The following TACC1 variants were observed in gnomAD, a reference collection of about 807,000 sequenced individuals.
The protein encoded by TACC1 is transforming acidic coiled-coil-containing protein 1.
A neutral mutation model predicts 84.4 loss-of-function variants in TACC1; 48 were observed. That is an observed-to-expected ratio of 0.57 (90% CI 0.45 to 0.72). The LOEUF (loss-of-function observed/expected upper bound fraction) is 0.72. TACC1 is among the 30% of genes least tolerant of loss of function. The pLI is 0.00. For synonymous variants in TACC1, 372 were observed against 376.3 expected (o/e 0.99, Z 0.13); for missense variants, 920 against 973.0 (o/e 0.95, Z 0.72).
At chr8:38,775,042 A>G (rs114571987) in intron 3 of TACC1, among the ~76,000 whole-genome samples, 10 of 151,936 alleles carry the variant, frequency 6.6e-5, no homozygotes, top group Admixed American at 5.2e-4. Context: ...AAAACCAAAA[A>G]CTTTTAAAAC....
chr8:38,824,517 A>G (rs934987108), intron 3 of TACC1: 1 of 152,424 alleles, frequency 6.6e-6, no homozygotes, highest in Non-Finnish European at 1.5e-5. Context: ...CATTCCGGTA[A>G]CTTATGTGCT....
chr8:38,845,823 G>T (rs1365196292), intron 11 of TACC1, among the ~76,000 whole-genome samples: 1 of 152,206 alleles, frequency 6.6e-6, no homozygotes, highest in Non-Finnish European at 1.5e-5. Flanking sequence ...TGGCACATGA[G>T]CCTGCCTGTC....
chr8:38,816,903 G>A (rs538253459), intron 2 of TACC1, among the ~76,000 whole-genome samples: 2 of 152,090 alleles, frequency 1.3e-5, no homozygotes, highest in Admixed American at 6.5e-5. Flanking sequence ...GAGTGGGGAC[G>A]GTGCTGAAAG....
At position 38,787,521 on chromosome 8, in the gene TACC1, GA is replaced by G. The variant is rs776362238; in HGVS notation, c.-57del. The G allele has an allele frequency of 2.1e-5, 30 of 1,452,868 alleles. No homozygotes were observed. The highest frequency in any genetic ancestry group is 9.1e-5 in the Admixed American group (3 of 32,818). 90.0% of individuals were successfully genotyped at this position (1,452,868 alleles called of 1,614,324 possible). Reference sequence around the variant, plus strand: ...CACCGGTTCCCTCCATTTTGAAAGGGAAAAAGGCTCTCCCCACCCATTCCCC... The same window carrying G: ...CACCGGTTCCCTCCATTTTGAAAGGGAAAAGGCTCTCCCCACCCATTCCCC... On this transcript the variant is annotated 5_prime_UTR_variant, in exon 1 of 13. Coordinates refer to ENST00000317827, the MANE Select transcript of TACC1 (RefSeq NM_006283.3).
chr8:38,769,647 G>A (rs1239307755), intron 3 of TACC1, among the ~76,000 whole-genome samples: 5 of 147,448 alleles, frequency 3.4e-5, no homozygotes, highest in Admixed American at 3.4e-4. Context: ...TACGTGGGGT[G>A]TGTGTGTGTG....
intron 3 of TACC1, among the ~76,000 whole-genome samples, chr8:38,770,799 T>A (rs1042473419): frequency 2.8e-4 from 42 of 151,626 alleles, no homozygotes; most frequent in Non-Finnish European, 1.5e-4. Context: ...TCCCTGAGAG[T>A]CGGGGGAACT....
chr8:38,783,583 G>T (rs1000074338), upstream of TACC1, among the ~76,000 whole-genome samples: 8 of 151,930 alleles, frequency 5.3e-5, no homozygotes, highest in African/African-American at 1.9e-4. Context: ...CACCACACCT[G>T]GCTATTTTTA....
chr8:38,803,726 T>C (rs946258498), intron 2 of TACC1, among the ~76,000 whole-genome samples: 1 of 152,234 alleles, frequency 6.6e-6, no homozygotes, highest in African/African-American at 2.4e-5. Flanking sequence ...GTAGTTTTTT[T>C]TTCCCCCTTG....
intron 3 of TACC1, among the ~76,000 whole-genome samples, chr8:38,754,375 C>G (rs1293748872): frequency 6.6e-6 from 1 of 152,180 alleles, no homozygotes; most frequent in African/African-American, 2.4e-5. Flanking sequence ...CATTCTCACC[C>G]TTTTCTCCTG....
chr8:38,824,942 C>T (rs558332024), intron 3 of TACC1, among the ~76,000 whole-genome samples: 3 of 152,260 alleles, frequency 2.0e-5, no homozygotes, highest in Admixed American at 6.5e-5. Flanking sequence ...CAAAGCCAAG[C>T]GAGTGAGGCT....
intron 2 of TACC1, among the ~76,000 whole-genome samples, chr8:38,803,323 C>T (rs1821866399): frequency 6.6e-6 from 1 of 152,234 alleles, no homozygotes; most frequent in Non-Finnish European, 1.5e-5. Flanking sequence ...GTCGCAAGAG[C>T]TGACATTTTT....
chr8:38,833,426 AG>A (rs1563897063), intron 6 of TACC1, among the ~76,000 whole-genome samples: 2 of 152,238 alleles, frequency 1.3e-5, no homozygotes, highest in African/African-American at 4.8e-5. Context: ...TGGCTAAAGT[AG>A]GCAAGGGCAT....
At chr8:38,824,595 G>A (rs1827613477) in intron 3 of TACC1, 1 of 152,424 alleles carries the variant, frequency 6.6e-6, no homozygotes, top group South Asian at 2.1e-4. Context: ...TTTGGTCACA[G>A]TGGTGTTTTT....
At chr8:38,778,992 T>A (rs1449045060) in intron 3 of TACC1, among the ~76,000 whole-genome samples, 1 of 151,640 alleles carries the variant, frequency 6.6e-6, no homozygotes, top group Non-Finnish European at 1.5e-5. Flanking sequence ...TTTTTTCTTT[T>A]CTTTTTAGAC....
At chr8:38,732,154 AAGAAAGGAAGG>A (rs1805055261) in intron 1 of TACC1, among the ~76,000 whole-genome samples, 7 of 136,994 alleles carry the variant, frequency 5.1e-5, no homozygotes, top group African/African-American at 2.1e-4. Flanking sequence ...AAAAGAAAAG[AAGAAAGGAAGG>A]AAGGAAGGAA....
At chr8:38,744,668 A>C (rs1807726995) in intron 2 of TACC1, among the ~76,000 whole-genome samples, 1 of 152,064 alleles carries the variant, frequency 6.6e-6, no homozygotes. Flanking sequence ...CCCATTGCTC[A>C]ATTCCTTTGG....
chr8:38,825,221 G>T, intron 3 of TACC1, 87 bp from the exon 4 acceptor site: 3 of 1,418,748 alleles, frequency 2.1e-6, no homozygotes, highest in Non-Finnish European at 3.0e-6. Context: ...GCTTCTATCC[G>T]CACACACTGC....
intron 3 of TACC1, among the ~76,000 whole-genome samples, chr8:38,758,896 C>T (rs1024320844): frequency 6.6e-6 from 1 of 152,080 alleles, no homozygotes; most frequent in Non-Finnish European, 1.5e-5. Flanking sequence ...GACCCCAGAG[C>T]TCATGCCGCA....
intron 12 of TACC1, among the ~76,000 whole-genome samples, 165 bp from the exon 13 acceptor site, chr8:38,847,790 T>C (rs1030588238): frequency 6.6e-6 from 1 of 152,256 alleles, no homozygotes; most frequent in African/African-American, 2.4e-5. Flanking sequence ...TTTTTTGAGG[T>C]GTGTAGCCTT....
Sources: gnomAD v4.1 joint callset for allele counts (sites outside exome capture counted in the v4.1 genomes callset) on GRCh38, gnomAD v4.1.1 for gene constraint, MANE v1.5 for transcripts, NCBI Gene and HGNC (gene_info 2026-07-23, HGNC 2026-07-21) for gene names.